The following HPSE2 variants were observed in gnomAD, a reference collection of about 807,000 sequenced individuals.
The protein encoded by HPSE2 is inactive heparanase-2.
Under a neutral mutation model 60.5 loss-of-function variants are expected in HPSE2, and 38 were observed. That is an observed-to-expected ratio of 0.63 (90% confidence interval 0.48 to 0.82). HPSE2 has a LOEUF of 0.82. Ranked by LOEUF, HPSE2 falls within the 40% of genes least tolerant of loss-of-function variation. HPSE2 has a pLI of 0.00. For synonymous variants in HPSE2, 295 were observed against 293.2 expected (o/e 1.01, Z -0.06); for missense variants, 713 against 740.4 (o/e 0.96, Z 0.43).
At chr10:99,314,207 G>T in the HPSE2 span, among the ~76,000 whole-genome samples, 1 of 152,166 alleles carries the variant, frequency 6.6e-6, no homozygotes, top group Non-Finnish European at 1.5e-5. Flanking sequence ...CTGCAGCCCA[G>T]GCTGGAATGC....
chr10:98,751,993 C>G (rs7894794), intron 3 of HPSE2, among the ~76,000 whole-genome samples: 29,571 of 152,132 alleles, frequency 0.19, 3,249 homozygotes, highest in East Asian at 0.34. Context: ...TCTTCATAAA[C>G]TCTGTTCTTT....
At chr10:98,819,018 C>T (rs1415485929) in intron 3 of HPSE2, among the ~76,000 whole-genome samples, 1 of 152,194 alleles carries the variant, frequency 6.6e-6, no homozygotes, top group East Asian at 1.9e-4. Context: ...AAACATGGTA[C>T]TTTAACACTA....
chr10:98,482,172 C>T (rs184519101), intron 11 of HPSE2, among the ~76,000 whole-genome samples: 1 of 152,204 alleles, frequency 6.6e-6, no homozygotes, highest in East Asian at 1.9e-4. Context: ...TTTAGTGCTC[C>T]TTCCTGTAAG....
intron 3 of HPSE2, among the ~76,000 whole-genome samples, chr10:99,134,266 A>C (rs1019878019): frequency 6.6e-6 from 1 of 152,202 alleles, no homozygotes; most frequent in African/African-American, 2.4e-5. Context: ...GAAAGCGATG[A>C]GGAGAATGGA....
In HPSE2 at chr10:98,601,768, T is replaced by C. The variant is rs145036937; in HGVS notation, c.1320+13136A>G. Among the ~76,000 whole-genome samples the C allele has an allele frequency of 1.2e-3, 176 of 152,258 alleles. No homozygotes were observed. In the Middle Eastern group the frequency reaches 0.014, roughly 12 times the overall value. ...AGCTGCAGCTTAGACCCACTGCATG[T>C]GTAGCATAAATTTGGGCCCACTGCG... is the stretch of plus-strand genomic sequence containing the variant. On this transcript the variant is annotated intron_variant, in intron 9 of 11. Coordinates refer to ENST00000370552, the MANE Select transcript of HPSE2 (RefSeq NM_021828.5).
rs142912833 is a variant in HPSE2, at chr10:98,734,476, T to A, written c.784+9407A>T. Among the ~76,000 whole-genome samples, 38 of 152,342 alleles carry A rather than the reference T, an allele frequency of 2.5e-4. No homozygotes were observed. The East Asian group carries it at 5.2e-3, about 21-fold the overall frequency. On this transcript the variant is annotated intron_variant, in intron 4 of 11. Coordinates refer to ENST00000370552, the MANE Select transcript of HPSE2 (RefSeq NM_021828.5). ...CCATTTGACATTCCCACCAGCAGTG[T>A]GTGAAGGTTTCAGTTTCTCCACAAC...
At chr10:99,115,892 C>T (rs949969278) in intron 3 of HPSE2, among the ~76,000 whole-genome samples, 7 of 152,140 alleles carry the variant, frequency 4.6e-5, no homozygotes, top group Non-Finnish European at 8.8e-5. Context: ...AATCTCATGA[C>T]CACATTTGTG....
At chr10:98,839,230 T>A (rs1951857684) in intron 3 of HPSE2, among the ~76,000 whole-genome samples, 1 of 152,200 alleles carries the variant, frequency 6.6e-6, no homozygotes, top group South Asian at 2.1e-4. Flanking sequence ...GATCATTTTT[T>A]CATATTATTA....
intron 7 of HPSE2, among the ~76,000 whole-genome samples, chr10:98,633,108 A>C (rs192975133): frequency 2.0e-4 from 30 of 152,324 alleles, no homozygotes; most frequent in Middle Eastern, 6.8e-3. Flanking sequence ...GAAGACAAAG[A>C]GGACAAAGAC....
At chr10:99,057,305 A>G (rs1294892205) in intron 3 of HPSE2, among the ~76,000 whole-genome samples, 1 of 152,218 alleles carries the variant, frequency 6.6e-6, no homozygotes, top group Non-Finnish European at 1.5e-5. Flanking sequence ...ACTAAATAAA[A>G]TAACAGCAAG....
intron 6 of HPSE2, among the ~76,000 whole-genome samples, chr10:98,677,738 C>T (rs1947681425): frequency 6.6e-6 from 1 of 152,150 alleles, no homozygotes; most frequent in African/African-American, 2.4e-5. Flanking sequence ...GATAGATAAT[C>T]TATGCTAGAG....
chr10:99,132,196 AGAGAGAGAGAGAGAGAGAGAGAG>A (rs1845441482), intron 3 of HPSE2, among the ~76,000 whole-genome samples: 14 of 43,490 alleles, frequency 3.2e-4, no homozygotes, highest in African/African-American at 7.7e-4. Context: ...AAAGAAAGAG[AGAGAGAGAGAGAGAGAGAGAGAG>A]AGAGAGAGAG....
At chr10:98,497,691 C>A (rs978431339) in intron 9 of HPSE2, among the ~76,000 whole-genome samples, 8 of 152,054 alleles carry the variant, frequency 5.3e-5, no homozygotes, top group Non-Finnish European at 1.0e-4. Flanking sequence ...TTGTAAATAT[C>A]AAGTCAATGT....
the HPSE2 span, among the ~76,000 whole-genome samples, chr10:99,278,051 C>T: frequency 1.4e-5 from 2 of 144,704 alleles, no homozygotes; most frequent in Non-Finnish European, 1.5e-5. Flanking sequence ...GAGCCAAGAT[C>T]GCGCCACTGT....
At chr10:98,475,580 C>CCCTCAGAAATATA (rs78765777) in intron 11 of HPSE2, among the ~76,000 whole-genome samples, 61,399 of 151,800 alleles carry the variant, frequency 0.4, 13,474 homozygotes, top group African/African-American at 0.6. Context: ...TGGCATCTTT[C>CCCTCAGAAATATA]CCTCTGAGAA....
the HPSE2 span, among the ~76,000 whole-genome samples, chr10:99,266,216 C>G: frequency 6.6e-6 from 1 of 152,192 alleles, no homozygotes; most frequent in Non-Finnish European, 1.5e-5. Context: ...GAATGCCCTG[C>G]TTTGCTTTCT....
intron 7 of HPSE2, among the ~76,000 whole-genome samples, chr10:98,623,698 G>A (rs1946131651): frequency 6.6e-6 from 1 of 152,160 alleles, no homozygotes; most frequent in Admixed American, 6.5e-5. Flanking sequence ...TCATGAATTT[G>A]TAGTAGATGA....
intron 9 of HPSE2, among the ~76,000 whole-genome samples, chr10:98,589,651 G>A (rs376109713): frequency 8.5e-5 from 13 of 152,236 alleles, no homozygotes; most frequent in East Asian, 7.7e-4. Context: ...CTTGTCCTTC[G>A]TTGGTCTACC....
At chr10:99,262,378 T>C in the HPSE2 span, among the ~76,000 whole-genome samples, 1 of 152,272 alleles carries the variant, frequency 6.6e-6, no homozygotes, top group South Asian at 2.1e-4. Flanking sequence ...ATTATCTGCT[T>C]TCCTGACTAT....
Sources: gnomAD v4.1 joint callset for allele counts (sites outside exome capture counted in the v4.1 genomes callset) on GRCh38, gnomAD v4.1.1 for gene constraint, MANE v1.5 for transcripts, NCBI Gene and HGNC (gene_info 2026-07-23, HGNC 2026-07-21) for gene names.